The following PEAK1 variants were observed in gnomAD, a reference collection of about 807,000 sequenced individuals.
PEAK1 encodes the protein inactive tyrosine-protein kinase PEAK1.
In PEAK1, 54 loss-of-function variants were observed where a neutral mutation model predicts 124.7. That is an observed-to-expected ratio of 0.43 (90% confidence interval 0.35 to 0.54). The LOEUF is 0.54. PEAK1 is among the 20% of genes least tolerant of loss of function. The pLI is 0.01. For synonymous variants in PEAK1, 719 were observed against 760.0 expected (o/e 0.95, Z 0.89); for missense variants, 2,046 against 2,134.5 (o/e 0.96, Z 0.82).
intron 6 of PEAK1, among the ~76,000 whole-genome samples, chr15:77,212,937 G>A (rs1422431939): frequency 2.0e-5 from 3 of 152,000 alleles, no homozygotes; most frequent in Non-Finnish European, 4.4e-5. Flanking sequence ...CTAAAGTTCA[G>A]TGTTAGCAAA....
chr15:77,225,433 T>A (rs527261401), intron 6 of PEAK1, among the ~76,000 whole-genome samples: 1 of 151,974 alleles, frequency 6.6e-6, no homozygotes, highest in African/African-American at 2.4e-5. Flanking sequence ...GTTTTTCAGA[T>A]AAACCATAAT....
rs111689144 is a variant in PEAK1 at position 77,222,807 on chromosome 15, T to C, written c.-115+29560A>G. On this transcript the variant is annotated intron_variant, in intron 6 of 9. Coordinates refer to ENST00000682557, the MANE Select transcript of PEAK1 (RefSeq NM_001385026.1). Reference sequence around the variant, plus strand: ...GCTATTTTCTTTGCCATAGAAAGCATAGCATTATGAAATAGTTCAAAATGG... The same window carrying C: ...GCTATTTTCTTTGCCATAGAAAGCACAGCATTATGAAATAGTTCAAAATGG... Among the ~76,000 whole-genome samples the C allele has an allele frequency of 3.8e-4, 58 of 152,132 alleles. 2 individuals carry two copies. The highest frequency in any genetic ancestry group is 1.2e-3 in the African/African-American group (51 of 41,524).
chr15:77,305,878 C>T (rs1411348508), intron 2 of PEAK1, among the ~76,000 whole-genome samples: 2 of 152,010 alleles, frequency 1.3e-5, no homozygotes, highest in East Asian at 1.9e-4. Context: ...TATTGTGTTG[C>T]TATTTTTTAT....
chr15:77,368,111 T>C (rs2068379544), intron 1 of PEAK1, among the ~76,000 whole-genome samples: 1 of 152,224 alleles, frequency 6.6e-6, no homozygotes, highest in South Asian at 2.1e-4. Context: ...ATGTAATATA[T>C]AACATATATT....
intron 1 of PEAK1, chr15:77,401,439 T>C: frequency 1.2e-6 from 1 of 839,990 alleles, no homozygotes; most frequent in Non-Finnish European, 1.4e-6. Context: ...TTCCTAGAAA[T>C]GATACCCAAG....
intron 6 of PEAK1, among the ~76,000 whole-genome samples, chr15:77,242,884 T>C (rs1444662993): frequency 6.6e-6 from 1 of 152,166 alleles, no homozygotes; most frequent in African/African-American, 2.4e-5. Context: ...TAACAATCAT[T>C]CAGAAACACT....
intron 6 of PEAK1, among the ~76,000 whole-genome samples, chr15:77,214,373 T>G (rs1171967865): frequency 6.6e-6 from 1 of 151,704 alleles, no homozygotes; most frequent in Non-Finnish European, 1.5e-5. Context: ...TCCCAGTACT[T>G]TGGGAGGCTG....
intron 8 of PEAK1, 105 bp downstream of exon 8, chr15:77,158,398 C>T: frequency 2.8e-6 from 3 of 1,082,430 alleles, no homozygotes; most frequent in Non-Finnish European, 4.1e-6. Flanking sequence ...GGTCCAAATT[C>T]TGCTTCATGG....
intron 6 of PEAK1, among the ~76,000 whole-genome samples, chr15:77,200,160 G>T (rs112582972): frequency 5.3e-5 from 8 of 152,138 alleles, no homozygotes; most frequent in African/African-American, 7.2e-5. Flanking sequence ...TACTCAACGT[G>T]AAGACAAGAT....
intron 6 of PEAK1, among the ~76,000 whole-genome samples, chr15:77,189,707 G>A (rs2057738130): frequency 6.6e-6 from 1 of 152,202 alleles, no homozygotes; most frequent in African/African-American, 2.4e-5. Context: ...AGCTCTCCAA[G>A]TCAGGAACCA....
chr15:77,415,416 GC>G (rs1350210285), intron 1 of PEAK1, among the ~76,000 whole-genome samples: 8 of 151,956 alleles, frequency 5.3e-5, no homozygotes, highest in African/African-American at 1.9e-4. Context: ...ATTTTACCTG[GC>G]TTTTTTGTTT....
At chr15:77,264,355 C>A (rs1178027898) in intron 5 of PEAK1, among the ~76,000 whole-genome samples, 2 of 152,178 alleles carry the variant, frequency 1.3e-5, no homozygotes, top group East Asian at 3.9e-4. Context: ...TCTAGAAAAC[C>A]CCATTGTCTC....
intron 1 of PEAK1, chr15:77,401,524 C>T: frequency 1.0e-6 from 1 of 974,200 alleles, no homozygotes; most frequent in Non-Finnish European, 1.2e-6. Flanking sequence ...CAATACTCAC[C>T]TAAAATCACA....
At chr15:77,250,875 A>C (rs2060848084) in intron 6 of PEAK1, among the ~76,000 whole-genome samples, 1 of 152,190 alleles carries the variant, frequency 6.6e-6, no homozygotes, top group Non-Finnish European at 1.5e-5. Flanking sequence ...AGATATTTTT[A>C]ATCAAGGTTA....
In PEAK1 at chr15:77,270,434, A is replaced by C. The variant is rs562046490; in HGVS notation, c.-275+13449T>G. Among the ~76,000 whole-genome samples, 6 of 152,346 alleles carry C rather than the reference A, an allele frequency of 3.9e-5. No individual in the cohort carries two copies. In the South Asian group the frequency reaches 1.2e-3, roughly 32 times the overall value. The stretch of plus-strand genomic sequence containing the variant: ...CTGATAGCAACTTCAGCAAAGTCTC[A>C]GGACACAAAATCAATGTGCAAAAAT... On this transcript the variant is annotated intron_variant, in intron 5 of 9. Coordinates refer to ENST00000682557, the MANE Select transcript of PEAK1 (RefSeq NM_001385026.1).
intron 2 of PEAK1, chr15:77,348,064 A>G: frequency 1.0e-6 from 1 of 985,370 alleles, no homozygotes; most frequent in Non-Finnish European, 1.2e-6. Context: ...CTTTTCTACA[A>G]AAACATTTTG....
intron 2 of PEAK1, among the ~76,000 whole-genome samples, chr15:77,322,260 G>A (rs991483467): frequency 5.3e-5 from 8 of 152,042 alleles, no homozygotes; most frequent in Non-Finnish European, 1.0e-4. Flanking sequence ...CTAGCAGAAG[G>A]CAAGAAATAA....
At chr15:77,327,874 A>G (rs1429230484) in intron 2 of PEAK1, among the ~76,000 whole-genome samples, 1 of 152,106 alleles carries the variant, frequency 6.6e-6, no homozygotes, top group Non-Finnish European at 1.5e-5. Flanking sequence ...GAATTAATTG[A>G]TAAGCCACAT....
At chr15:77,123,410 A>T (rs985652846) in intron 9 of PEAK1, among the ~76,000 whole-genome samples, 3 of 152,200 alleles carry the variant, frequency 2.0e-5, no homozygotes, top group Admixed American at 2.0e-4. Context: ...TCATTTTTCC[A>T]TCAAGAAACA....
Sources: allele counts gnomAD v4.1 joint callset (sites outside exome capture counted in the v4.1 genomes callset), GRCh38; gene constraint gnomAD v4.1.1; transcripts MANE v1.5; gene names NCBI Gene and HGNC (gene_info 2026-07-23, HGNC 2026-07-21).